RAD51B: variants seen among roughly 807,000 people sequenced by gnomAD.
RAD51B encodes the protein RAD51 paralog B, also known as DNA repair protein RAD51 homolog 2.
In RAD51B, 38 loss-of-function variants were observed where a neutral mutation model predicts 42.2. That is an observed-to-expected ratio of 0.90 (90% CI 0.70 to 1.18). RAD51B has a LOEUF of 1.18. Ranked by LOEUF, RAD51B falls within the 50% of genes most tolerant of loss-of-function variation. The pLI, the probability that RAD51B is intolerant of heterozygous loss-of-function variation, is 0.00. For missense variants in RAD51B, 373 were observed against 400.7 expected, an observed-to-expected ratio of 0.93 and a Z score of 0.59; for synonymous variants, 154 against 145.2, an observed-to-expected ratio of 1.06 and a Z score of -0.43.
chr14:67,908,773 G>A (rs933181300), intron 7 of RAD51B: 4 of 152,132 alleles, frequency 2.6e-5, no homozygotes, highest in Non-Finnish European at 4.4e-5. Context: ...TCAGTTCTAT[G>A]AACTGGGAAT....
intron 9 of RAD51B, among the ~76,000 whole-genome samples, chr14:68,444,094 G>C (rs963001245): frequency 3.3e-5 from 5 of 152,188 alleles, no homozygotes. Flanking sequence ...TTCTTGTAAA[G>C]AATGAAGAAC....
intron 10 of RAD51B, among the ~76,000 whole-genome samples, chr14:68,531,818 G>T (rs1341615562): frequency 5.3e-5 from 8 of 152,052 alleles, no homozygotes; most frequent in Admixed American, 4.6e-4. Context: ...AGACGAGATA[G>T]GAAGACCCTG....
chr14:68,460,376 C>T (rs1566896710), intron 9 of RAD51B, among the ~76,000 whole-genome samples: 1 of 152,146 alleles, frequency 6.6e-6, no homozygotes, highest in Non-Finnish European at 1.5e-5. Flanking sequence ...TCACCTGAAC[C>T]TGTGAGGCGG....
At chr14:68,482,126 A>C (rs1348511966), downstream of RAD51B, among the ~76,000 whole-genome samples, 2 of 151,694 alleles carry the variant, frequency 1.3e-5, no homozygotes, top group African/African-American at 4.8e-5. Context: ...TACTGAAAGT[A>C]ATTACTTTTA....
intron 8 of RAD51B, among the ~76,000 whole-genome samples, chr14:68,348,173 G>A (rs1021982055): frequency 6.6e-6 from 1 of 152,156 alleles, no homozygotes; most frequent in Non-Finnish European, 1.5e-5. Context: ...AAACTAATAT[G>A]TCTTCTGTGA....
At chr14:68,318,202 A>G (rs1566805254) in intron 8 of RAD51B, among the ~76,000 whole-genome samples, 1 of 152,212 alleles carries the variant, frequency 6.6e-6, no homozygotes, top group Non-Finnish European at 1.5e-5. Flanking sequence ...CCAGATTTGT[A>G]AGCTAGAGTG....
intron 10 of RAD51B, among the ~76,000 whole-genome samples, chr14:68,557,817 T>A (rs1049406622): frequency 6.6e-6 from 1 of 152,214 alleles, no homozygotes; most frequent in Non-Finnish European, 1.5e-5. Context: ...GTGACTGTTC[T>A]CTGCATTTCC....
intron 10 of RAD51B, among the ~76,000 whole-genome samples, chr14:68,619,725 A>G (rs1891905245): frequency 1.3e-5 from 2 of 152,210 alleles, no homozygotes; most frequent in Non-Finnish European, 2.9e-5. Context: ...CTCTCAGGCA[A>G]ACATCCCCAG....
At chr14:68,577,326 A>C (rs1418595254) in intron 10 of RAD51B, among the ~76,000 whole-genome samples, 1 of 152,164 alleles carries the variant, frequency 6.6e-6, no homozygotes, top group Non-Finnish European at 1.5e-5. Flanking sequence ...GACCCTTCTC[A>C]TCCTGTGGCC....
At chr14:68,296,586 T>C (rs1416696045) in intron 8 of RAD51B, among the ~76,000 whole-genome samples, 1 of 152,202 alleles carries the variant, frequency 6.6e-6, no homozygotes, top group African/African-American at 2.4e-5. Flanking sequence ...CAAAGTCACC[T>C]GGGATTTGAG....
downstream of RAD51B, among the ~76,000 whole-genome samples, chr14:68,596,510 G>T (rs950315481): frequency 4.6e-5 from 7 of 152,180 alleles, no homozygotes; most frequent in Non-Finnish European, 1.5e-5. Context: ...GAAGGGAATT[G>T]GGAAGAGCAA....
intron 7 of RAD51B, among the ~76,000 whole-genome samples, chr14:67,931,349 G>A (rs891905008): frequency 6.6e-6 from 1 of 151,696 alleles, no homozygotes; most frequent in Non-Finnish European, 1.5e-5. Context: ...CCAAAATTTT[G>A]GTTTGTTTCT....
At chr14:68,369,272 T>C (rs1231150159) in intron 8 of RAD51B, among the ~76,000 whole-genome samples, 1 of 152,214 alleles carries the variant, frequency 6.6e-6, no homozygotes, top group Non-Finnish European at 1.5e-5. Context: ...TATTGTAAAA[T>C]TTAGAAACCC....
chr14:68,359,843 G>T (rs887955612), intron 8 of RAD51B, among the ~76,000 whole-genome samples: 3 of 152,168 alleles, frequency 2.0e-5, no homozygotes, highest in African/African-American at 7.2e-5. Flanking sequence ...AGACTTTAGA[G>T]ACTAGTCTTT....
rs2042287571 is a variant in RAD51B at position 67,864,999 on chromosome 14, T to TTTTTTTTTC, written c.316-3_316-2insTTTTTTTCT. ...TTTTTTTTTTTTTTTTTTTTTTTTT[T>TTTTTTTTTC]TAGATTACAGGTCCACCAGGTTGTG... On this transcript the variant is annotated splice_polypyrimidine_tract_variant and splice_region_variant and intron_variant, in intron 4 of 10. Coordinates refer to ENST00000471583, the MANE Select transcript of RAD51B (RefSeq NM_133510.4). 1 of 1,256,084 alleles carries TTTTTTTTTC rather than the reference T, an allele frequency of 8.0e-7. No individual in the cohort carries two copies. The highest frequency in any genetic ancestry group is 1.0e-6 in the Non-Finnish European group (1 of 987,326). 77.8% of individuals were successfully genotyped at this position (1,256,084 alleles called of 1,614,324 possible).
chr14:68,650,568 A>G (rs974412677), intron 10 of RAD51B, among the ~76,000 whole-genome samples: 1 of 152,254 alleles, frequency 6.6e-6, no homozygotes, highest in Non-Finnish European at 1.5e-5. Context: ...ATCTAAAATC[A>G]GACCAGAACC....
intron 7 of RAD51B, among the ~76,000 whole-genome samples, chr14:68,077,494 A>G (rs2076851954): frequency 6.6e-6 from 1 of 152,228 alleles, no homozygotes; most frequent in Admixed American, 6.5e-5. Context: ...CAAGTTGAGT[A>G]TTAAAGATGT....
Position 68,242,733 on chromosome 14 carries a change from T to C in RAD51B, c.757-49151T>C, listed in dbSNP as rs751280379. The stretch of plus-strand genomic sequence containing the variant: ...CTAAATAAGTACTTTTCACACATTA[T>C]CTCTTTTAATATTTGTGACAACCAC... On this transcript the variant is annotated intron_variant, in intron 7 of 10. Transcript: ENST00000471583. Among the ~76,000 whole-genome samples the C allele has an allele frequency of 5.8e-4, 89 of 152,252 alleles. 1 individual carries two copies. Among genetic ancestry groups the C allele is most frequent in the Non-Finnish European group, 9.4e-4 (64 of 68,054 alleles).
intron 9 of RAD51B, among the ~76,000 whole-genome samples, chr14:68,430,388 T>TG (rs1387087108): frequency 6.6e-6 from 1 of 152,246 alleles, no homozygotes; most frequent in Non-Finnish European, 1.5e-5. Context: ...GAGCATGGAA[T>TG]GTTCTTCCAT....
Sources: allele counts gnomAD v4.1 joint callset (sites outside exome capture counted in the v4.1 genomes callset), GRCh38; gene constraint gnomAD v4.1.1; transcripts MANE v1.5; gene names NCBI Gene and HGNC (gene_info 2026-07-23, HGNC 2026-07-21).